TMEM132C: variants seen among roughly 807,000 people sequenced by gnomAD.
TMEM132C encodes the protein protein phosphatase 1, regulatory subunit 152.
TMEM132C carries 29 observed loss-of-function variants against 61.4 expected under a neutral mutation model. The ratio of observed to expected loss-of-function variants is 0.47; its 90% CI spans 0.35 to 0.64. The LOEUF is 0.64. Ranked by LOEUF, TMEM132C falls within the 30% of genes least tolerant of loss-of-function variation. The pLI is 0.00. For synonymous variants in TMEM132C, 656 were observed against 633.1 expected (o/e 1.04, Z -0.54); for missense variants, 1,408 against 1,476.9 (o/e 0.95, Z 0.76).
chr12:128,462,411 C>T (rs947676144), intron 2 of TMEM132C, among the ~76,000 whole-genome samples: 3 of 152,194 alleles, frequency 2.0e-5, no homozygotes, highest in Admixed American at 1.3e-4. Context: ...GAGGTATCAG[C>T]GGACCTGAGG....
At chr12:128,293,004 G>A (rs528425231) in intron 1 of TMEM132C, among the ~76,000 whole-genome samples, 1 of 152,262 alleles carries the variant, frequency 6.6e-6, no homozygotes, top group Admixed American at 6.5e-5. Context: ...GTTGTAAAAT[G>A]TGATTCTTAC....
At chr12:128,658,158 ACGCAGC>A (rs1954347131) in intron 4 of TMEM132C, among the ~76,000 whole-genome samples, 1 of 110,248 alleles carries the variant, frequency 9.1e-6, no homozygotes, top group African/African-American at 3.4e-5. Flanking sequence ...AGGAGCAGGG[ACGCAGC>A]TCCCATGGAG....
At chr12:128,637,364 C>G (rs1177920304) in intron 4 of TMEM132C, among the ~76,000 whole-genome samples, 17 of 152,168 alleles carry the variant, frequency 1.1e-4, no homozygotes, top group East Asian at 1.9e-4. Flanking sequence ...AGTCAAGGCT[C>G]AGAAGAGTAA....
At chr12:128,342,542 C>T (rs1209771207) in intron 1 of TMEM132C, among the ~76,000 whole-genome samples, 1 of 151,502 alleles carries the variant, frequency 6.6e-6, no homozygotes, top group Non-Finnish European at 1.5e-5. Context: ...TGTCACTCAT[C>T]ACTCTCACAG....
rs982956826 is a variant in TMEM132C at position 128,440,360 on chromosome 12, A to G, written c.974+24740A>G. Among the ~76,000 whole-genome samples the G allele has an allele frequency of 3.9e-5, 6 of 152,322 alleles. 1 individual carries two copies. The Middle Eastern group carries it at 0.01, about 259-fold the overall frequency. ...TGGGTTAGACAGAAAATGAATGTAG[A>G]AAAAAATGGTAGGTAGCTCACAAAA... On this transcript the variant is annotated intron_variant, in intron 2 of 8. Coordinates refer to ENST00000435159, the MANE Select transcript of TMEM132C (RefSeq NM_001136103.3).
chr12:128,460,823 T>C (rs1870507631), intron 2 of TMEM132C, among the ~76,000 whole-genome samples: 1 of 152,060 alleles, frequency 6.6e-6, no homozygotes, highest in African/African-American at 2.4e-5. Context: ...GATTTTGCCA[T>C]TGGAGCTTTT....
intron 1 of TMEM132C, among the ~76,000 whole-genome samples, chr12:128,364,250 TCTC>T (rs545825491): frequency 6.7e-5 from 10 of 150,064 alleles, no homozygotes; most frequent in Non-Finnish European, 8.9e-5. Flanking sequence ...TCCTCCTCCT[TCTC>T]CTCTCTTCCT....
chr12:128,445,275 A>G lies in TMEM132C; in HGVS notation c.974+29655A>G, dbSNP rs780466910. Among the ~76,000 whole-genome samples the G allele has an allele frequency of 2.0e-5, 3 of 152,076 alleles. No individual in the cohort carries two copies. The East Asian group carries it at 5.8e-4, about 29-fold the overall frequency. The stretch of plus-strand genomic sequence containing the variant: ...TAATTTAAACAGTTCAGCGGCGTGC[A>G]CATTTGAACTGAATTGAACAAAGCA... On this transcript the variant is annotated intron_variant, in intron 2 of 8. Transcript: ENST00000435159.
intron 4 of TMEM132C, among the ~76,000 whole-genome samples, chr12:128,644,650 T>G (rs1954182458): frequency 6.6e-6 from 1 of 152,210 alleles, no homozygotes; most frequent in Admixed American, 6.5e-5. Context: ...CATAACGGTG[T>G]TCCAAAACTG....
At chr12:128,613,076 A>G (rs970744995) in intron 3 of TMEM132C, among the ~76,000 whole-genome samples, 2 of 152,016 alleles carry the variant, frequency 1.3e-5, no homozygotes, top group Non-Finnish European at 2.9e-5. Flanking sequence ...GCTCATTGCA[A>G]CCTCTGTGGT....
In TMEM132C at chr12:128,706,827, G is replaced by A. The variant is rs189624629; in HGVS notation, c.*532G>A. On this transcript the variant is annotated 3_prime_UTR_variant, in exon 9 of 9. Transcript: ENST00000435159. ...GGATGCCTCTTGGGATAGAACTAGGGAGTTTTAAATCTTTACTTGATCATC... is the reference window on the plus strand; with the variant it reads ...GGATGCCTCTTGGGATAGAACTAGGAAGTTTTAAATCTTTACTTGATCATC... The A allele has an allele frequency of 6.6e-6, 1 of 152,200 alleles. No individual in the cohort carries two copies. Among genetic ancestry groups the A allele is most frequent in the African/African-American group, 2.4e-5 (1 of 41,406 alleles). The allele number at this position is 152,200 out of a possible 1,614,324, so 9.4% of individuals were successfully genotyped here.
intron 1 of TMEM132C, among the ~76,000 whole-genome samples, chr12:128,370,097 A>G (rs1265893041): frequency 1.3e-5 from 2 of 152,026 alleles, no homozygotes; most frequent in African/African-American, 4.8e-5. Flanking sequence ...CTTATCGTAC[A>G]CCATTTCATG....
intron 4 of TMEM132C, among the ~76,000 whole-genome samples, chr12:128,621,341 G>A (rs12307757): frequency 0.11 from 16,277 of 152,206 alleles, 984 homozygotes; most frequent in Middle Eastern, 0.16. Flanking sequence ...GATCATGCTG[G>A]ATTTGAGTGG....
At chr12:128,306,522 C>T (rs751457469) in intron 1 of TMEM132C, among the ~76,000 whole-genome samples, 16 of 152,142 alleles carry the variant, frequency 1.1e-4, no homozygotes, top group Non-Finnish European at 2.2e-4. Context: ...GAAATTCTAA[C>T]TTGTAATTTG....
chr12:128,625,859 G>A (rs960453599), intron 4 of TMEM132C, among the ~76,000 whole-genome samples: 2 of 152,094 alleles, frequency 1.3e-5, no homozygotes, highest in African/African-American at 4.8e-5. Context: ...ATCACCTTGG[G>A]GGTTGGCATT....
Position 128,705,287 on chromosome 12 carries a change from G to A in TMEM132C, c.2319G>A (p.Met773Ile). The change falls in exon 9 of 9, where the codon ATG (methionine) becomes ATA (isoleucine). Residue 773 changes from methionine (M) to isoleucine (I), a missense_variant. By Grantham distance (10) the Met-to-Ile change is conservative. Transcript: ENST00000435159. ...AGGGCCCACTGATCCGAGTGGACAT[G>A]ACGATCGCCGAGGCCTGCCAGAAAT... The part of the protein sequence containing the change: ...EGQGPLIRVD[M>I]TIAEACQKSK... 1 of 1,551,502 alleles carries A rather than the reference G, an allele frequency of 6.4e-7. No homozygotes were observed. Among genetic ancestry groups the A allele is most frequent in the Non-Finnish European group, 8.7e-7 (1 of 1,146,908 alleles).
chr12:128,270,416 T>C (rs539065318), intron 1 of TMEM132C, among the ~76,000 whole-genome samples: 1 of 152,292 alleles, frequency 6.6e-6, no homozygotes, highest in Admixed American at 6.5e-5. Flanking sequence ...TGTATGAATC[T>C]TTACCTAAAG....
intron 3 of TMEM132C, among the ~76,000 whole-genome samples, chr12:128,605,908 C>T (rs1565989211): frequency 6.6e-6 from 1 of 152,224 alleles, no homozygotes; most frequent in African/African-American, 2.4e-5. Context: ...CTAGTTCCTT[C>T]TTCTCTGAGA....
chr12:128,361,950 A>G (rs1051401544), intron 1 of TMEM132C, among the ~76,000 whole-genome samples: 2 of 152,174 alleles, frequency 1.3e-5, no homozygotes, highest in Non-Finnish European at 2.9e-5. Context: ...TTCATTCATC[A>G]GAGCGGGAGT....
Sources: gnomAD v4.1 joint callset for allele counts (sites outside exome capture counted in the v4.1 genomes callset) on GRCh38, gnomAD v4.1.1 for gene constraint, MANE v1.5 for transcripts, NCBI Gene and HGNC (gene_info 2026-07-23, HGNC 2026-07-21) for gene names.